GNPTAB: variants seen among roughly 807,000 people sequenced by gnomAD.
GNPTAB encodes N-acetylglucosamine-1-phosphate transferase subunits alpha and beta.
Under a neutral mutation model 136.6 loss-of-function variants are expected in GNPTAB, and 92 were observed. The observed-to-expected ratio is 0.67, with a 90% CI of 0.57 to 0.80. GNPTAB has a LOEUF of 0.80. Ranked by LOEUF, GNPTAB falls within the 30% of genes least tolerant of loss-of-function variation. The pLI, the probability that GNPTAB is intolerant of heterozygous loss-of-function variation, is 0.00. For synonymous variants in GNPTAB, 512 were observed against 535.1 expected (o/e 0.96, Z 0.60); for missense variants, 1,343 against 1,501.8 (o/e 0.89, Z 1.75).
At chr12:101,752,868 T>G (rs1044335569) in intron 19 of GNPTAB, among the ~76,000 whole-genome samples, 4 of 152,226 alleles carry the variant, frequency 2.6e-5, no homozygotes, top group Non-Finnish European at 4.4e-5. Flanking sequence ...TTCAAATCCC[T>G]TAAAATGCAA....
At position 101,761,782 on chromosome 12, in the gene GNPTAB, A is replaced by C. The variant is rs1183470774; in HGVS notation, c.2716-19T>G. 1 of 1,555,480 alleles carries C rather than the reference A, an allele frequency of 6.4e-7. No individual in the cohort carries two copies. The highest frequency in any genetic ancestry group is 1.7e-5 in the Admixed American group (1 of 59,960). ...CTTCTTCCTGAAAAGAGAATTCTAC[A>C]TGTAACTCAGCATTATGTTTAGTGC... On this transcript the variant is annotated intron_variant, in intron 13 of 20. Coordinates refer to ENST00000299314, the MANE Select transcript of GNPTAB (RefSeq NM_024312.5).
At chr12:101,770,945 T>TA in intron 8 of GNPTAB, 51 bp downstream of exon 8, 1 of 1,548,312 alleles carries the variant, frequency 6.5e-7, no homozygotes, top group Non-Finnish European at 8.9e-7. Context: ...TACACATTTT[T>TA]AACATCTTAA....
intron 8 of GNPTAB, 34 bp from the exon 9 acceptor site, chr12:101,770,619 A>C: frequency 6.8e-7 from 1 of 1,469,908 alleles, no homozygotes; most frequent in Non-Finnish European, 9.5e-7. Context: ...AAGATGTGAA[A>C]TACCCCTTAA....
At chr12:101,792,187 A>G (rs1869033785) in intron 2 of GNPTAB, among the ~76,000 whole-genome samples, 1 of 152,210 alleles carries the variant, frequency 6.6e-6, no homozygotes, top group Non-Finnish European at 1.5e-5. Flanking sequence ...GAAGCCAGCC[A>G]GGTGGGTAAC....
intron 6 of GNPTAB, 89 bp downstream of exon 6, chr12:101,780,468 T>TAA (rs941024441): frequency 6.1e-5 from 69 of 1,132,792 alleles, no homozygotes; most frequent in Non-Finnish European, 8.1e-5. Context: ...AAATAAACAT[T>TAA]AAAAAGATTC....
chr12:101,811,098 T>C (rs1364839492), intron 1 of GNPTAB, among the ~76,000 whole-genome samples: 2 of 152,206 alleles, frequency 1.3e-5, no homozygotes, highest in African/African-American at 4.8e-5. Flanking sequence ...GAGAGACCCG[T>C]GGAGCAGAGC....
intron 6 of GNPTAB, 134 bp from the exon 7 acceptor site, chr12:101,780,420 C>CCT (rs1953324499): frequency 8.9e-7 from 1 of 1,123,930 alleles, no homozygotes; most frequent in East Asian, 2.5e-5. Flanking sequence ...TTACTTGAAT[C>CCT]AACAGTCATT....
intron 18 of GNPTAB, chr12:101,756,575 A>G (rs1299477753): frequency 7.5e-6 from 2 of 266,922 alleles, no homozygotes; most frequent in South Asian, 3.1e-5. Context: ...TCCTGTCTCA[A>G]AAAAATATAG....
intron 16 of GNPTAB, 96 bp from the exon 17 acceptor site, chr12:101,757,753 T>C (rs1952925413): frequency 2.7e-6 from 2 of 750,134 alleles, no homozygotes; most frequent in Non-Finnish European, 2.4e-6. Context: ...TTTGATTCTA[T>C]GCTCTCTGGA....
chr12:101,781,610 C>T (rs1953345995), intron 5 of GNPTAB, among the ~76,000 whole-genome samples: 3 of 152,068 alleles, frequency 2.0e-5, no homozygotes, highest in African/African-American at 4.8e-5. Context: ...ATCTGAGCCC[C>T]GGAGTTGGGG....
intron 3 of GNPTAB, among the ~76,000 whole-genome samples, chr12:101,788,926 G>A (rs1371471133): frequency 6.6e-6 from 1 of 152,194 alleles, no homozygotes; most frequent in Admixed American, 6.5e-5. Flanking sequence ...GAAGTCCGCT[G>A]TAACTTTCCC....
Position 101,786,201 on chromosome 12 carries a change from ACT to A in GNPTAB, c.380_381del (p.Glu127ValfsTer8). Reference sequence around the variant, plus strand: ...ACCTTAATGCAGTGTGTTAGCAAACACTCTAACTGCTTCTCACTGGAAAGAAA... The same window carrying A: ...ACCTTAATGCAGTGTGTTAGCAAACACTAACTGCTTCTCACTGGAAAGAAA... ...EPTKKSEKQLECLLTHCIKVP... is the reference protein window; with the variant it reads ...EPTKKSEKQLXCLLTHCIKVP... On this transcript the variant is annotated frameshift_variant, in exon 5 of 21. Coordinates refer to ENST00000299314, the MANE Select transcript of GNPTAB (RefSeq NM_024312.5). LOFTEE classifies it high-confidence loss of function. The A allele has an allele frequency of 1.2e-6, 2 of 1,613,132 alleles. No individual in the cohort carries two copies. The highest frequency in any genetic ancestry group is 2.2e-5 in the East Asian group (1 of 44,838).
intron 4 of GNPTAB, among the ~76,000 whole-genome samples, chr12:101,786,584 A>G (rs1051384716): frequency 6.6e-6 from 1 of 152,118 alleles, no homozygotes; most frequent in African/African-American, 2.4e-5. Flanking sequence ...TCTGGTTAAT[A>G]GAGTGTCATG....
At position 101,761,170 on chromosome 12, in the gene GNPTAB, C is replaced by A. The variant is rs758294588; in HGVS notation, c.3092G>T (p.Arg1031Leu). 1.9e-6 allele frequency: 3 copies of A among 1,614,002 alleles called. No homozygotes were observed. The highest frequency in any genetic ancestry group is 1.1e-5 in the South Asian group (1 of 91,046). The stretch of plus-strand genomic sequence containing the variant: ...TTCGTGAATTCTGGTAGCCAGTGTT[C>A]GGATTTCTCTGTCAGACAAGACACC... ...QSGVLSDREIRTLATRIHELP... is the reference protein window; with the variant it reads ...QSGVLSDREILTLATRIHELP... Residue 1031 changes from arginine (R) to leucine (L), a missense_variant, in exon 15 of 21, where the codon CGA becomes CTA. Coordinates refer to ENST00000299314, the MANE Select transcript of GNPTAB (RefSeq NM_024312.5).
chr12:101,795,451 T>C (rs1268187916), intron 2 of GNPTAB, among the ~76,000 whole-genome samples: 7 of 152,200 alleles, frequency 4.6e-5, no homozygotes. Context: ...AAATACTTAA[T>C]TCATTTTAAA....
intron 1 of GNPTAB, among the ~76,000 whole-genome samples, chr12:101,824,725 C>A (rs1428486030): frequency 5.3e-5 from 8 of 151,968 alleles, no homozygotes; most frequent in Admixed American, 2.0e-4. Context: ...GGATTACACA[C>A]ATGAGCCACC....
rs11111028 is a variant in GNPTAB at position 101,800,285 on chromosome 12, G to T, written c.118-3523C>A. Among the ~76,000 whole-genome samples the T allele has an allele frequency of 3.7e-3, 557 of 152,096 alleles. 4 individuals are homozygous for T. The highest frequency in any genetic ancestry group is 0.013 in the African/African-American group (536 of 41,484). ...GGATCGCCTGAGCCCAGGAGCTCAA[G>T]ACCAGCCTGAGCAACACAGTGAGAC... On this transcript the variant is annotated intron_variant, in intron 1 of 20. Transcript: ENST00000299314.
rs1419199285 is a variant in GNPTAB, at chr12:101,819,590, A to G, written c.117+10969T>C. On this transcript the variant is annotated intron_variant, in intron 1 of 20. Transcript: ENST00000299314. ...TTGAGAAGTAATCTTAAAGTGGGCAATATGGTTTTTAGTCTGATCATAGAA... is the reference window on the plus strand; with the variant it reads ...TTGAGAAGTAATCTTAAAGTGGGCAGTATGGTTTTTAGTCTGATCATAGAA... 4.6e-5 allele frequency among the ~76,000 whole-genome samples: 7 copies of G among 152,226 alleles called. No individual in the cohort carries two copies. In the East Asian group the frequency reaches 1.3e-3, roughly 29 times the overall value.
intron 1 of GNPTAB, among the ~76,000 whole-genome samples, chr12:101,811,766 G>A (rs541858953): frequency 1.3e-5 from 2 of 151,598 alleles, no homozygotes; most frequent in South Asian, 4.2e-4. Flanking sequence ...AGCTTCCCAA[G>A]GAGCTGGGAT....
Sources: gnomAD v4.1 joint callset for allele counts (sites outside exome capture counted in the v4.1 genomes callset) on GRCh38, gnomAD v4.1.1 for gene constraint, MANE v1.5 for transcripts, NCBI Gene and HGNC (gene_info 2026-07-23, HGNC 2026-07-21) for gene names.